The following SLC4A4 variants were observed in gnomAD, a reference collection of about 807,000 sequenced individuals.
SLC4A4 encodes the protein electrogenic sodium bicarbonate cotransporter 1.
In SLC4A4, 27 loss-of-function variants were observed where a neutral mutation model predicts 111.5. The ratio of observed to expected loss-of-function variants is 0.24; its 90% CI spans 0.18 to 0.33. The LOEUF is 0.33. Ranked by LOEUF, SLC4A4 falls within the 10% of genes least tolerant of loss-of-function variation. The pLI is 1.00. For missense variants in SLC4A4, 909 were observed against 1,315.5 expected (o/e 0.69, Z 4.78); for synonymous variants, 443 against 463.4 (o/e 0.96, Z 0.57).
At chr4:71,455,099 C>T (rs1726109382) in intron 12 of SLC4A4, among the ~76,000 whole-genome samples, 1 of 152,188 alleles carries the variant, frequency 6.6e-6, no homozygotes, top group African/African-American at 2.4e-5. Context: ...TTGCTTTTTC[C>T]CACATAAATG....
rs372137276 is a variant in SLC4A4, at chr4:71,160,746, T to C, written c.-2+67954T>C. Among the ~76,000 whole-genome samples, 6 of 151,896 alleles carry C rather than the reference T, an allele frequency of 4.0e-5. No individual in the cohort carries two copies. The East Asian group carries it at 9.6e-4, about 24-fold the overall frequency. ...AGCAAATCAATGAAGAGGATTTGAC[T>C]AAAAATATCCCCACCGAATAGAGTC... is the stretch of plus-strand genomic sequence containing the variant. On this transcript the variant is annotated intron_variant, in intron 2 of 26. Coordinates refer to the SLC4A4 transcript ENST00000649996.
At chr4:71,493,443 C>T (rs998526008) in intron 15 of SLC4A4, among the ~76,000 whole-genome samples, 9 of 151,906 alleles carry the variant, frequency 5.9e-5, no homozygotes, top group African/African-American at 1.2e-4. Context: ...TGACAGATTT[C>T]GTTTGTTCAA....
At chr4:71,394,850 C>A (rs1315405786) in intron 6 of SLC4A4, among the ~76,000 whole-genome samples, 1 of 152,052 alleles carries the variant, frequency 6.6e-6, no homozygotes, top group African/African-American at 2.4e-5. Context: ...CGTATGTTCT[C>A]ACTGATATGT....
At chr4:71,064,180 G>A (rs925558768) in intron 1 of SLC4A4, among the ~76,000 whole-genome samples, 5 of 152,212 alleles carry the variant, frequency 3.3e-5, no homozygotes, top group Non-Finnish European at 7.3e-5. Flanking sequence ...GGTATAGTGG[G>A]AAGCCAGACC....
chr4:71,198,424 C>A (rs1015242757), intron 1 of SLC4A4, among the ~76,000 whole-genome samples: 3 of 152,160 alleles, frequency 2.0e-5, no homozygotes, highest in African/African-American at 7.2e-5. Context: ...GCAGTCTTGT[C>A]TAGAATATTC....
chr4:71,316,942 G>C (rs1441952423), intron 3 of SLC4A4, among the ~76,000 whole-genome samples: 2 of 151,936 alleles, frequency 1.3e-5, no homozygotes, highest in African/African-American at 2.4e-5. Context: ...GGCTGGACTT[G>C]AACTCCTGAG....
chr4:71,093,437 G>A (rs1742442969), intron 2 of SLC4A4, among the ~76,000 whole-genome samples: 3 of 152,100 alleles, frequency 2.0e-5, no homozygotes, highest in Admixed American at 1.3e-4. Flanking sequence ...CAAAGTGCGG[G>A]GATTACAGGC....
At chr4:71,360,818 T>G (rs1730708698) in intron 6 of SLC4A4, among the ~76,000 whole-genome samples, 1 of 152,216 alleles carries the variant, frequency 6.6e-6, no homozygotes, top group Non-Finnish European at 1.5e-5. Context: ...TACATATTGT[T>G]GTAGGACTTC....
intron 9 of SLC4A4, among the ~76,000 whole-genome samples, chr4:71,449,207 C>A (rs115984466): frequency 1.3e-5 from 2 of 152,054 alleles, no homozygotes; most frequent in African/African-American, 4.8e-5. Context: ...TATGGTAAAA[C>A]GACATTGCCT....
chr4:71,121,321 G>A (rs1020966339), intron 2 of SLC4A4, among the ~76,000 whole-genome samples: 1 of 152,192 alleles, frequency 6.6e-6, no homozygotes, highest in Non-Finnish European at 1.5e-5. Flanking sequence ...AAGGGCTGAG[G>A]CGTGCAGGTG....
At chr4:71,135,900 C>T (rs1052472619) in intron 2 of SLC4A4, among the ~76,000 whole-genome samples, 1 of 152,144 alleles carries the variant, frequency 6.6e-6, no homozygotes, top group African/African-American at 2.4e-5. Context: ...GTTGTCGATG[C>T]CTTGCCTAGC....
intron 1 of SLC4A4, among the ~76,000 whole-genome samples, chr4:71,092,045 A>ATC (rs1215114737): frequency 6.6e-6 from 1 of 152,204 alleles, no homozygotes; most frequent in Non-Finnish European, 1.5e-5. Flanking sequence ...GGTATCAAGT[A>ATC]CCAGACTCTG....
chr4:71,291,601 G>A (rs1724358916), intron 3 of SLC4A4, among the ~76,000 whole-genome samples: 1 of 151,952 alleles, frequency 6.6e-6, no homozygotes, highest in African/African-American at 2.4e-5. Context: ...CACCACAGCT[G>A]GCTAAATTTT....
Position 71,312,228 on chromosome 4 carries a change from T to C in SLC4A4, c.254-27142T>C, listed in dbSNP as rs192361029. Among the ~76,000 whole-genome samples the C allele has an allele frequency of 2.6e-5, 4 of 152,260 alleles. No homozygotes were observed. The East Asian group carries it at 7.7e-4, about 29-fold the overall frequency. ...CTCCTAAGATTAAATCAGGGAGAAG[T>C]TGAGTCCCTGAATAGACCAATAACA... On this transcript the variant is annotated intron_variant, in intron 3 of 25. Transcript: ENST00000264485.
chr4:71,483,004 T>G (rs946448135), intron 14 of SLC4A4, among the ~76,000 whole-genome samples: 13 of 151,636 alleles, frequency 8.6e-5, no homozygotes, highest in African/African-American at 2.7e-4. Flanking sequence ...CTAGGATGTT[T>G]TAAAATGAAG....
At chr4:71,480,236 C>T (rs1728752781) in intron 14 of SLC4A4, among the ~76,000 whole-genome samples, 1 of 151,422 alleles carries the variant, frequency 6.6e-6, no homozygotes, top group African/African-American at 2.4e-5. Context: ...CTTTAACTTC[C>T]AGCACACCAT....
intron 2 of SLC4A4, among the ~76,000 whole-genome samples, chr4:71,167,227 G>T (rs530460363): frequency 6.6e-6 from 1 of 152,260 alleles, no homozygotes; most frequent in South Asian, 2.1e-4. Context: ...CTACAGAGAG[G>T]TGGCTTCTCC....
intron 7 of SLC4A4, among the ~76,000 whole-genome samples, chr4:71,422,788 C>T (rs1240871231): frequency 3.3e-5 from 5 of 152,100 alleles, no homozygotes; most frequent in African/African-American, 1.2e-4. Context: ...AATTCAACAA[C>T]CCTTCATGCT....
chr4:71,452,667 C>T (rs774491052), intron 11 of SLC4A4, among the ~76,000 whole-genome samples: 1 of 152,176 alleles, frequency 6.6e-6, no homozygotes, highest in Non-Finnish European at 1.5e-5. Context: ...AGGTTTGAGG[C>T]TTGGTTGGGA....
Sources: gnomAD v4.1 joint callset for allele counts (sites outside exome capture counted in the v4.1 genomes callset) on GRCh38, gnomAD v4.1.1 for gene constraint, MANE v1.5 for transcripts, NCBI Gene and HGNC (gene_info 2026-07-23, HGNC 2026-07-21) for gene names.